Variants in CPB1 observed in about 807,000 individuals in gnomAD.
CPB1 encodes the protein carboxypeptidase B.
CPB1 carries 53 observed loss-of-function variants against 51.4 expected under a neutral mutation model. The observed-to-expected ratio is 1.03, with a 90% CI of 0.83 to 1.30. The LOEUF (loss-of-function observed/expected upper bound fraction) is 1.30, where lower values mean the gene tolerates loss of function less well. Among genes scored for constraint, CPB1 ranks in the 50% most tolerant of loss-of-function variants. The pLI, the probability that CPB1 is intolerant of heterozygous loss-of-function variation, is 0.00. For synonymous variants in CPB1, 189 were observed against 186.9 expected (o/e 1.01, Z -0.09); for missense variants, 494 against 516.2 (o/e 0.96, Z 0.42).
intron 9 of CPB1, chr3:148,855,695 G>T (rs563343734): frequency 1.3e-5 from 2 of 152,264 alleles, no homozygotes; most frequent in South Asian, 2.1e-4. Context: ...TAATATTGAA[G>T]AATCATATTT....
At chr3:148,845,746 T>C (rs938482629) in intron 9 of CPB1, 120 bp downstream of exon 9, 2 of 767,062 alleles carry the variant, frequency 2.6e-6, no homozygotes, top group Admixed American at 3.0e-5. Flanking sequence ...TTTTTGGTAG[T>C]AGAATTGAAA....
intron 9 of CPB1, among the ~76,000 whole-genome samples, chr3:148,853,364 T>G (rs572460120): frequency 6.6e-6 from 1 of 152,278 alleles, no homozygotes; most frequent in East Asian, 1.9e-4. Flanking sequence ...ATATATTCGA[T>G]GGGAATGCAG....
At chr3:148,829,169 A>G (rs944230706) in intron 2 of CPB1, among the ~76,000 whole-genome samples, 1 of 152,196 alleles carries the variant, frequency 6.6e-6, no homozygotes, top group Non-Finnish European at 1.5e-5. Flanking sequence ...TCTAAGATTT[A>G]TCTTTTTCAA....
chr3:148,828,127 G>A (rs558680950), intron 2 of CPB1, 50 bp downstream of exon 2: 68 of 1,371,794 alleles, frequency 5.0e-5, no homozygotes, highest in East Asian at 1.8e-4. Flanking sequence ...ATCTTAGATC[G>A]CACTGTGATT....
rs534096828 is a variant in CPB1, at chr3:148,860,168, G to A, written c.*166G>A. ...TTTTCGTATTGATCATAATAAAAGTGAATCATTACTATTGGAAAACTTGAC... is the reference window on the plus strand; with the variant it reads ...TTTTCGTATTGATCATAATAAAAGTAAATCATTACTATTGGAAAACTTGAC... On this transcript the variant is annotated 3_prime_UTR_variant, in exon 11 of 11. Transcript: ENST00000282957. The A allele has an allele frequency of 1.6e-6, 1 of 633,180 alleles. No homozygotes were observed. The highest frequency in any genetic ancestry group is 2.2e-5 in the South Asian group (1 of 44,878). 39.2% of individuals were successfully genotyped at this position (633,180 alleles called of 1,614,324 possible).
chr3:148,843,679 A>C (rs538982112), intron 6 of CPB1, among the ~76,000 whole-genome samples: 6 of 152,190 alleles, frequency 3.9e-5, no homozygotes, highest in Non-Finnish European at 8.8e-5. Context: ...CTGTTCACAC[A>C]TAGAAGTCTA....
intron 2 of CPB1, among the ~76,000 whole-genome samples, chr3:148,831,526 A>G (rs1712737720): frequency 6.6e-6 from 1 of 152,144 alleles, no homozygotes; most frequent in Non-Finnish European, 1.5e-5. Context: ...TTATTGGCCA[A>G]TCTTATTCCT....
At chr3:148,843,058 G>A (rs1713134538) in intron 6 of CPB1, among the ~76,000 whole-genome samples, 1 of 152,062 alleles carries the variant, frequency 6.6e-6, no homozygotes. Context: ...AAAGACTGAA[G>A]ACCTGTCACA....
chr3:148,834,904 T>C (rs1028779320), intron 3 of CPB1, among the ~76,000 whole-genome samples: 1 of 152,208 alleles, frequency 6.6e-6, no homozygotes. Flanking sequence ...ATGTATAGAG[T>C]ACAGGCCTAG....
intron 9 of CPB1, among the ~76,000 whole-genome samples, chr3:148,853,062 G>C (rs1455956199): frequency 6.6e-6 from 1 of 152,162 alleles, no homozygotes; most frequent in African/African-American, 2.4e-5. Context: ...ATTATCGCAG[G>C]ACAGAAGGAA....
At chr3:148,855,617 G>A (rs976046585) in intron 9 of CPB1, 3 of 152,160 alleles carry the variant, frequency 2.0e-5, no homozygotes, top group African/African-American at 7.2e-5. Context: ...ATCAACACAC[G>A]AGTCCAATAG....
chr3:148,828,549 C>T (rs892434661), intron 2 of CPB1, among the ~76,000 whole-genome samples: 3 of 151,972 alleles, frequency 2.0e-5, no homozygotes, highest in Non-Finnish European at 4.4e-5. Flanking sequence ...AATGATATGA[C>T]GTGAGGGGGA....
intron 10 of CPB1, among the ~76,000 whole-genome samples, chr3:148,859,211 G>A (rs1713680355): frequency 6.6e-6 from 1 of 152,110 alleles, no homozygotes; most frequent in Non-Finnish European, 1.5e-5. Context: ...GCTGTTCAGT[G>A]GGGGCTATAC....
intron 3 of CPB1, among the ~76,000 whole-genome samples, chr3:148,837,331 G>A (rs1712934279): frequency 6.6e-6 from 1 of 152,152 alleles, no homozygotes; most frequent in Admixed American, 6.5e-5. Context: ...TTCAATAACA[G>A]TGGGCGCAAA....
intron 3 of CPB1, 30 bp downstream of exon 3, chr3:148,834,652 T>A: frequency 6.3e-7 from 1 of 1,586,208 alleles, no homozygotes; most frequent in Non-Finnish European, 8.6e-7. Context: ...ATATTAAAAT[T>A]CTCTCCCATG....
chr3:148,856,302 T>G (rs1167370123), intron 9 of CPB1: 1 of 152,216 alleles, frequency 6.6e-6, no homozygotes. Context: ...GTTTTCTAAT[T>G]TACCACCTGG....
chr3:148,835,376 A>ATAGATGGAAAGAAGAGTAAAGTG (rs1712873631), intron 3 of CPB1, among the ~76,000 whole-genome samples: 2 of 152,190 alleles, frequency 1.3e-5, no homozygotes, highest in Non-Finnish European at 2.9e-5. Context: ...GTAGTATTTA[A>ATAGATGGAAAGAAGAGTAAAGTG]CAGATGGAAA....
At chr3:148,841,653 G>A (rs1713083759) in intron 5 of CPB1, among the ~76,000 whole-genome samples, 170 bp from the exon 6 acceptor site, 1 of 152,176 alleles carries the variant, frequency 6.6e-6, no homozygotes, top group Admixed American at 6.5e-5. Context: ...TGTGAGTCTA[G>A]AAGCGAGAAC....
intron 2 of CPB1, 138 bp downstream of exon 2, chr3:148,828,215 G>GTGCCATAATGTCTTCTTTTTC: frequency 1.5e-6 from 1 of 661,862 alleles, no homozygotes. Context: ...AAAACATTTA[G>GTGCCATAATGTCTTCTTTTTC]TGCCATAATG....
Sources: gnomAD v4.1 joint callset for allele counts (sites outside exome capture counted in the v4.1 genomes callset) on GRCh38, gnomAD v4.1.1 for gene constraint, MANE v1.5 for transcripts, NCBI Gene and HGNC (gene_info 2026-07-23, HGNC 2026-07-21) for gene names.